Variants in SEMA3C observed in about 807,000 individuals in gnomAD.
SEMA3C encodes semaphorin-3C.
A neutral mutation model predicts 89.4 loss-of-function variants in SEMA3C; 47 were observed. The observed-to-expected ratio is 0.53, with a 90% CI of 0.42 to 0.67. The LOEUF (loss-of-function observed/expected upper bound fraction) is 0.67, where lower values mean the gene tolerates loss of function less well. Ranked by LOEUF, SEMA3C falls within the 30% of genes least tolerant of loss-of-function variation. The pLI, the probability that SEMA3C is intolerant of heterozygous loss-of-function variation, is 0.00. For missense variants in SEMA3C, 839 were observed against 929.1 expected (o/e 0.90, Z 1.26); for synonymous variants, 310 against 320.2 (o/e 0.97, Z 0.34).
intron 2 of SEMA3C, among the ~76,000 whole-genome samples, chr7:80,881,984 A>G (rs1284483867): frequency 1.3e-5 from 2 of 152,222 alleles, no homozygotes; most frequent in African/African-American, 2.4e-5. Context: ...TGAATGTATT[A>G]TATTTAAATA....
chr7:80,843,900 A>G (rs1479488973), intron 2 of SEMA3C, among the ~76,000 whole-genome samples: 1 of 151,952 alleles, frequency 6.6e-6, no homozygotes, highest in African/African-American at 2.4e-5. Flanking sequence ...AAGTTACCAC[A>G]CACTACCTAA....
intron 2 of SEMA3C, among the ~76,000 whole-genome samples, chr7:80,898,551 G>GT (rs1791796436): frequency 6.6e-6 from 1 of 152,048 alleles, no homozygotes; most frequent in Non-Finnish European, 1.5e-5. Context: ...GTCAAGCAAT[G>GT]TTTTTTGTGT....
chr7:80,805,815 A>AGGTG lies in SEMA3C; in HGVS notation c.539-61_539-58dup, dbSNP rs982261133. The AGGTG allele has an allele frequency of 3.0e-6, 4 of 1,329,770 alleles. No homozygotes were observed. In the African/African-American group the frequency reaches 5.9e-5, roughly 19 times the overall value. 82.4% of individuals were successfully genotyped at this position (1,329,770 alleles called of 1,614,324 possible). ...ATTTTTAAAGCTATTTTGAAATTCT[A>AGGTG]GGTGAGTTTATTTATTAGGAGATCA... On this transcript the variant is annotated intron_variant, in intron 6 of 17. Coordinates refer to ENST00000265361, the MANE Select transcript of SEMA3C (RefSeq NM_006379.5).
At chr7:80,829,995 C>A (rs929758403) in intron 2 of SEMA3C, among the ~76,000 whole-genome samples, 1 of 152,026 alleles carries the variant, frequency 6.6e-6, no homozygotes, top group Non-Finnish European at 1.5e-5. Flanking sequence ...TGACTTAAAC[C>A]GAAATCAAAA....
chr7:80,800,013 C>A (rs1332348452), intron 10 of SEMA3C, among the ~76,000 whole-genome samples: 7 of 150,746 alleles, frequency 4.6e-5, no homozygotes, highest in Non-Finnish European at 8.9e-5. Flanking sequence ...ATTAGCCAGG[C>A]GTGGTGGCGG....
chr7:80,894,262 T>C (rs1361569857), intron 2 of SEMA3C, among the ~76,000 whole-genome samples: 1 of 152,114 alleles, frequency 6.6e-6, no homozygotes, highest in Non-Finnish European at 1.5e-5. Flanking sequence ...TTAAAGAATA[T>C]AAAGAAAACA....
At chr7:80,751,497 A>C (rs942948350) in intron 15 of SEMA3C, among the ~76,000 whole-genome samples, 161 bp from the exon 16 acceptor site, 2 of 150,178 alleles carry the variant, frequency 1.3e-5, no homozygotes, top group Non-Finnish European at 3.0e-5. Context: ...CACATTTCTT[A>C]TACAATTTAT....
chr7:80,820,963 G>A (rs1362461379), intron 4 of SEMA3C, among the ~76,000 whole-genome samples: 1 of 152,084 alleles, frequency 6.6e-6, no homozygotes, highest in Non-Finnish European at 1.5e-5. Context: ...GGATGTCAAT[G>A]TACTTTCATG....
intron 2 of SEMA3C, among the ~76,000 whole-genome samples, chr7:80,839,142 T>C (rs762645988): frequency 7.9e-5 from 12 of 152,144 alleles, no homozygotes; most frequent in Non-Finnish European, 1.3e-4. Context: ...AGTAACTTAC[T>C]TCTAAAAAGT....
chr7:80,883,119 T>C (rs1299581229), intron 2 of SEMA3C, among the ~76,000 whole-genome samples: 1 of 152,198 alleles, frequency 6.6e-6, no homozygotes, highest in Non-Finnish European at 1.5e-5. Flanking sequence ...TTATATTTTA[T>C]CTCTCAAGCA....
chr7:80,909,165 A>G (rs1360391561), intron 2 of SEMA3C, among the ~76,000 whole-genome samples: 2 of 152,288 alleles, frequency 1.3e-5, no homozygotes, highest in East Asian at 1.9e-4. Context: ...TATCTGTAGA[A>G]AGTCAAAATC....
At chr7:80,896,596 T>A (rs893088373) in intron 2 of SEMA3C, among the ~76,000 whole-genome samples, 1 of 152,226 alleles carries the variant, frequency 6.6e-6, no homozygotes, top group Non-Finnish European at 1.5e-5. Flanking sequence ...ATCAGCCTAA[T>A]GCTTAACTGG....
intron 12 of SEMA3C, among the ~76,000 whole-genome samples, chr7:80,789,088 C>A (rs1362121589): frequency 2.0e-5 from 3 of 151,710 alleles, no homozygotes; most frequent in Non-Finnish European, 2.9e-5. Context: ...GTATATATCT[C>A]TATATATATT....
chr7:80,774,404 AGTT>A (rs1738435949), intron 12 of SEMA3C, among the ~76,000 whole-genome samples: 1 of 152,224 alleles, frequency 6.6e-6, no homozygotes, highest in South Asian at 2.1e-4. Flanking sequence ...GCATTAAAGC[AGTT>A]ATTATAATTA....
At chr7:80,780,674 A>T (rs2117091737) in intron 12 of SEMA3C, among the ~76,000 whole-genome samples, 1 of 152,306 alleles carries the variant, frequency 6.6e-6, no homozygotes, top group African/African-American at 2.4e-5. Context: ...GCTTGAGCCC[A>T]GGAGTTCAAG....
At chr7:80,875,273 C>T (rs1272012918) in intron 2 of SEMA3C, among the ~76,000 whole-genome samples, 1 of 152,064 alleles carries the variant, frequency 6.6e-6, no homozygotes, top group African/African-American at 2.4e-5. Context: ...ATGACTATGT[C>T]TGCATTATTC....
At chr7:80,908,888 C>T (rs189967534) in intron 2 of SEMA3C, among the ~76,000 whole-genome samples, 2 of 152,128 alleles carry the variant, frequency 1.3e-5, no homozygotes, top group East Asian at 3.9e-4. Context: ...TATATAATTA[C>T]AAATCTGTGG....
At chr7:80,836,607 G>T (rs1231594432) in intron 2 of SEMA3C, among the ~76,000 whole-genome samples, 3 of 152,168 alleles carry the variant, frequency 2.0e-5, no homozygotes, top group African/African-American at 7.2e-5. Flanking sequence ...GAACCTGTGA[G>T]GCGGAGATTG....
chr7:80,785,539 G>T (rs947420003), intron 12 of SEMA3C, among the ~76,000 whole-genome samples: 26 of 152,176 alleles, frequency 1.7e-4, no homozygotes, highest in Non-Finnish European at 2.9e-4. Context: ...TATAATGCTA[G>T]GAAATCCTGG....
Sources: gnomAD v4.1 joint callset for allele counts (sites outside exome capture counted in the v4.1 genomes callset) on GRCh38, gnomAD v4.1.1 for gene constraint, MANE v1.5 for transcripts, NCBI Gene and HGNC (gene_info 2026-07-23, HGNC 2026-07-21) for gene names.